The following SYN3 variants were observed in gnomAD, a reference collection of about 807,000 sequenced individuals.
SYN3 encodes synapsin III, also known as synapsin-3.
SYN3 carries 35 observed loss-of-function variants against 65.8 expected under a neutral mutation model. That is an observed-to-expected ratio of 0.53 (90% CI 0.41 to 0.70). The LOEUF is 0.70. Among genes scored for constraint, SYN3 ranks in the 30% least tolerant of loss-of-function variants. The pLI is 0.00. For synonymous variants in SYN3, 270 were observed against 292.9 expected (o/e 0.92, Z 0.80); for missense variants, 680 against 749.0 (o/e 0.91, Z 1.08).
chr22:32,642,977 C>T (rs1199028795), intron 6 of SYN3, among the ~76,000 whole-genome samples: 1 of 152,104 alleles, frequency 6.6e-6, no homozygotes, highest in Non-Finnish European at 1.5e-5. Context: ...ATATGCTGAT[C>T]CATATGGACA....
rs5845033 is a variant in SYN3 at position 32,807,293 on chromosome 22, GAT to G, written c.711+57620_711+57621del. On this transcript the variant is annotated intron_variant, in intron 6 of 13. Transcript: ENST00000358763. ...ATTACTGTGGATTGATGGTTTGGAG[GAT>G]ATATATATATAAATATATAATATAT... Among the ~76,000 whole-genome samples, 86 of 124,794 alleles carry G rather than the reference GAT, an allele frequency of 6.9e-4. 1 individual carries two copies. Among genetic ancestry groups the G allele is most frequent in the Non-Finnish European group, 6.9e-4 (43 of 62,352 alleles). The allele number at this position is 124,794 out of a possible 152,430, so 81.9% of individuals were successfully genotyped here.
intron 4 of SYN3, among the ~76,000 whole-genome samples, chr22:32,874,760 G>A (rs2048938823): frequency 6.6e-6 from 1 of 152,172 alleles, no homozygotes. Flanking sequence ...TTCCAGCCAG[G>A]CCTGCGAAGG....
intron 1 of SYN3, among the ~76,000 whole-genome samples, chr22:33,012,584 C>T (rs1361761729): frequency 6.6e-6 from 1 of 152,222 alleles, no homozygotes; most frequent in Middle Eastern, 3.2e-3. Context: ...GTTTATTAGG[C>T]AGTGCTTCCA....
chr22:33,006,597 C>CA lies in SYN3; in HGVS notation c.65dup (p.Met22IlefsTer9). The CA allele has an allele frequency of 6.2e-7, 1 of 1,612,618 alleles. No homozygotes were observed. ...AGCTATCTGGGCGTTGCAGGTCCGT[C>CA]ATATAGCCATTAGGCAGGTTGGCCA... is the stretch of plus-strand genomic sequence containing the variant. On this transcript the variant is annotated frameshift_variant, in exon 2 of 14. Transcript: ENST00000358763. LOFTEE classifies it high-confidence loss of function.
intron 6 of SYN3, among the ~76,000 whole-genome samples, chr22:32,785,736 T>C (rs549917655): frequency 6.6e-6 from 1 of 152,204 alleles, no homozygotes; most frequent in Non-Finnish European, 1.5e-5. Flanking sequence ...TGTCTTATCA[T>C]CTTCATTGCA....
At chr22:32,815,597 G>T (rs1328675100) in intron 6 of SYN3, among the ~76,000 whole-genome samples, 2 of 152,126 alleles carry the variant, frequency 1.3e-5, no homozygotes, top group African/African-American at 2.4e-5. Context: ...GCTACTATTT[G>T]TTGACAGCTA....
rs138612199 is a variant in SYN3, at chr22:33,012,206, GA to G, written c.-162-5383del. Among the ~76,000 whole-genome samples the G allele has an allele frequency of 5.8e-3, 881 of 152,102 alleles. 7 individuals carry two copies. Among genetic ancestry groups the G allele is most frequent in the South Asian group, 0.028 (135 of 4,818 alleles). ...AATGTGCTTCCCTCCCAGAAATTCT[GA>G]CATATTTTCATTATCATTCATTTTA... On this transcript the variant is annotated intron_variant, in intron 1 of 13. Transcript: ENST00000358763.
chr22:32,962,951 C>G (rs2051705319), intron 3 of SYN3, among the ~76,000 whole-genome samples: 1 of 150,602 alleles, frequency 6.6e-6, no homozygotes, highest in Admixed American at 6.6e-5. Flanking sequence ...AACAATTTCT[C>G]TCTATATGGG....
At position 32,801,066 on chromosome 22, in the gene SYN3, A is replaced by G. The variant is rs1232118138; in HGVS notation, c.711+63849T>C. Among the ~76,000 whole-genome samples the G allele has an allele frequency of 6.6e-6, 1 of 152,228 alleles. No homozygotes were observed. The highest frequency in any genetic ancestry group is 1.5e-5 in the Non-Finnish European group (1 of 68,038). On this transcript the variant is annotated intron_variant, in intron 6 of 13. Transcript: ENST00000358763. The surrounding 1 kb of genome is among the most constrained non-coding windows in gnomAD (Gnocchi z 4.7). ...CCTGAACCGTGTTTGTTGAATGAAT[A>G]CAGAACCCCGTTTGCTCTGGGAGAG...
intron 4 of SYN3, among the ~76,000 whole-genome samples, chr22:32,920,208 G>A (rs1377190869): frequency 6.6e-6 from 1 of 152,184 alleles, no homozygotes; most frequent in East Asian, 1.9e-4. Context: ...GAAACTGAGA[G>A]CAGAACTTGC....
At chr22:32,704,691 A>G (rs1215832567) in intron 6 of SYN3, among the ~76,000 whole-genome samples, 1 of 152,210 alleles carries the variant, frequency 6.6e-6, no homozygotes, top group Admixed American at 6.5e-5. Context: ...CCAACAGTGT[A>G]TAAGTGTCCT....
intron 1 of SYN3, among the ~76,000 whole-genome samples, chr22:33,043,646 T>C (rs1338171226): frequency 1.3e-5 from 2 of 152,242 alleles, no homozygotes; most frequent in Non-Finnish European, 2.9e-5. Flanking sequence ...CTCTGTTACA[T>C]TGGGCCAGTC....
chr22:33,030,970 CAG>C (rs2053745399), intron 1 of SYN3, among the ~76,000 whole-genome samples: 1 of 152,132 alleles, frequency 6.6e-6, no homozygotes. Context: ...TAGACAGACA[CAG>C]AGAGATAGAG....
chr22:32,652,792 AGAG>A (rs2060091393), intron 6 of SYN3, among the ~76,000 whole-genome samples: 1 of 152,198 alleles, frequency 6.6e-6, no homozygotes, highest in South Asian at 2.1e-4. Flanking sequence ...TTAGCGGCAG[AGAG>A]GAGATCAGAA....
At chr22:32,557,953 T>C (rs968904735) in intron 7 of SYN3, among the ~76,000 whole-genome samples, 6 of 152,242 alleles carry the variant, frequency 3.9e-5, no homozygotes, top group African/African-American at 1.4e-4. Context: ...CTCTGATAGT[T>C]CTACTGTGTT....
chr22:32,922,484 T>A (rs2050360443), intron 4 of SYN3, among the ~76,000 whole-genome samples: 1 of 152,218 alleles, frequency 6.6e-6, no homozygotes, highest in South Asian at 2.1e-4. Context: ...TAAAAGTTCA[T>A]GAATTTTGTA....
rs905955210 is a variant in SYN3, at chr22:32,992,305, T to C, written c.312-11603A>G. The stretch of plus-strand genomic sequence containing the variant: ...CCCAAATGGGTAGCCCAGCTGTGTC[T>C]GAACACCTGCACCTGAGGGGAGCTC... On this transcript the variant is annotated intron_variant, in intron 2 of 13. Transcript: ENST00000358763. Among the ~76,000 whole-genome samples, 70 of 152,234 alleles carry C rather than the reference T, an allele frequency of 4.6e-4. 1 individual carries two copies. Among genetic ancestry groups the C allele is most frequent in the African/African-American group, 1.6e-3 (68 of 41,466 alleles).
intron 6 of SYN3, among the ~76,000 whole-genome samples, chr22:32,770,705 T>G (rs2045745203): frequency 6.6e-6 from 1 of 152,048 alleles, no homozygotes; most frequent in Non-Finnish European, 1.5e-5. Flanking sequence ...AATTAATAGG[T>G]GTAAGGCCCT....
chr22:32,876,204 T>C (rs909734348), intron 4 of SYN3, among the ~76,000 whole-genome samples: 25 of 152,238 alleles, frequency 1.6e-4, no homozygotes, highest in Non-Finnish European at 2.6e-4. Flanking sequence ...TGTCCTTACA[T>C]GGCAGAAGGG....
Sources: allele counts gnomAD v4.1 joint callset (sites outside exome capture counted in the v4.1 genomes callset), GRCh38; gene constraint gnomAD v4.1.1; non-coding constraint Gnocchi (gnomAD v3.1); transcripts MANE v1.5; gene names NCBI Gene and HGNC (gene_info 2026-07-23, HGNC 2026-07-21).